Variants in MRPL17 observed in about 807,000 individuals in gnomAD.
MRPL17 encodes mitochondrial ribosomal protein L17, also known as large ribosomal subunit protein bL17m.
MRPL17 carries 8 observed loss-of-function variants against 12.0 expected under a neutral mutation model. The observed-to-expected ratio is 0.67, with a 90% CI of 0.39 to 1.21. MRPL17 has a LOEUF of 1.21. Ranked by LOEUF, MRPL17 falls within the 50% of genes most tolerant of loss-of-function variation. The probability of loss-of-function intolerance (pLI) is 0.01; values close to 1 mark genes in which losing one functional copy is unlikely to be tolerated. For missense variants in MRPL17, 263 were observed against 234.4 expected (o/e 1.12, Z -0.80); for synonymous variants, 107 against 92.9 (o/e 1.15, Z -0.87).
At chr11:6,682,983 G>A (rs1846584648) in intron 1 of MRPL17, 140 bp downstream of exon 1, 3 of 1,325,904 alleles carry the variant, frequency 2.3e-6, no homozygotes, top group African/African-American at 1.5e-5. Context: ...GCGATGGAGG[G>A]GCGGGTTCAG....
At chr11:6,682,845 C>A in intron 1 of MRPL17, 30 bp from the exon 2 acceptor site, 1 of 1,596,100 alleles carries the variant, frequency 6.3e-7, no homozygotes, top group Non-Finnish European at 8.6e-7. Context: ...CGGATCCAAC[C>A]GAGCAAGAAA....
chr11:6,682,698 C>A (rs1429803546), intron 2 of MRPL17, 49 bp downstream of exon 2: 7 of 1,581,416 alleles, frequency 4.4e-6, no homozygotes, highest in Non-Finnish European at 6.1e-6. Flanking sequence ...CAACCCCCAC[C>A]CCCAGGGAGC....
In MRPL17 at chr11:6,683,281, C is replaced by G. The variant is rs761455382; in HGVS notation, c.16G>C (p.Ala6Pro). MRLSVAAAISHGRVFR... is the reference protein window; with the variant it reads MRLSVPAAISHGRVFR... ...ACGCGGCCATGGGAGATCGCTGCAG[C>G]GACCGACAGCCGCATGTTTCCAACT... is the stretch of plus-strand genomic sequence containing the variant. Residue 6 changes from alanine (A) to proline (P), a missense_variant, in exon 1 of 3, where the codon GCT becomes CCT. Coordinates refer to ENST00000288937, the MANE Select transcript of MRPL17 (RefSeq NM_022061.4). 4.3e-6 allele frequency: 7 copies of G among 1,610,824 alleles called. No homozygotes were observed. The highest frequency in any genetic ancestry group is 5.9e-6 in the Non-Finnish European group (7 of 1,177,768).
chr11:6,682,996 C>T (rs1846584893), intron 1 of MRPL17, 127 bp downstream of exon 1: 3 of 1,409,264 alleles, frequency 2.1e-6, no homozygotes, highest in East Asian at 2.3e-5. Flanking sequence ...GGGTTCAGCC[C>T]AAGGTTCTGG....
chr11:6,683,241 C>A lies in MRPL17; in HGVS notation c.56G>T (p.Gly19Val). The A allele has an allele frequency of 6.2e-7, 1 of 1,614,130 alleles. No individual in the cohort carries two copies. The highest frequency in any genetic ancestry group is 1.1e-5 in the South Asian group (1 of 91,090). ...ISHGRVFRRM[G>V]LGPESRIHLL... Reference sequence around the variant, plus strand: ...ATGGATGCGGGACTCGGGACCGAGGCCCATACGGCGAAATACGCGGCCATG... The same window carrying A: ...ATGGATGCGGGACTCGGGACCGAGGACCATACGGCGAAATACGCGGCCATG... Residue 19 changes from glycine (G) to valine (V), a missense_variant, in exon 1 of 3, where the codon GGC becomes GTC. Physicochemically the swap from Gly to Val is moderately radical, Grantham distance 109. Coordinates refer to ENST00000288937, the MANE Select transcript of MRPL17 (RefSeq NM_022061.4).
Position 6,681,272 on chromosome 11 carries a change from A to C in MRPL17, c.*846T>G, listed in dbSNP as rs191090825. ...GGGCTCCCAGCTTCTCACATTCTGA[A>C]GCCGGATTTCCCTTTTCTGGGTTCC... On this transcript the variant is annotated 3_prime_UTR_variant, in exon 3 of 3. Transcript: ENST00000288937. 1.3e-5 allele frequency: 2 copies of C among 152,228 alleles called. No individual in the cohort carries two copies. The allele number at this position is 152,228 out of a possible 1,614,324, so 9.4% of individuals were successfully genotyped here.
intron 2 of MRPL17, 77 bp downstream of exon 2, chr11:6,682,670 G>T (rs1297022357): frequency 2.1e-6 from 3 of 1,407,698 alleles, no homozygotes; most frequent in African/African-American, 1.4e-5. Flanking sequence ...GTTTAATTCT[G>T]CATAGTTCTC....
In MRPL17 at chr11:6,683,320, T is replaced by C. The variant is rs773858266; in HGVS notation, c.-24A>G. 15 of 1,599,296 alleles carry C rather than the reference T, an allele frequency of 9.4e-6. No individual in the cohort carries two copies. The highest frequency in any genetic ancestry group is 1.7e-4 in the Middle Eastern group (1 of 6,036). ...ATGTTTCCAACTTCTGCCCGCCCCTTGGAGGCCGGAACTGGAAACTGGAAG... is the reference window on the plus strand; with the variant it reads ...ATGTTTCCAACTTCTGCCCGCCCCTCGGAGGCCGGAACTGGAAACTGGAAG... On this transcript the variant is annotated 5_prime_UTR_variant, in exon 1 of 3. Coordinates refer to ENST00000288937, the MANE Select transcript of MRPL17 (RefSeq NM_022061.4).
chr11:6,683,087 G>C (rs752241288), intron 1 of MRPL17, 36 bp downstream of exon 1: 2 of 1,600,860 alleles, frequency 1.2e-6, no homozygotes, highest in African/African-American at 1.3e-5. Context: ...CCTCAGACCA[G>C]ACCCGCAGAG....
At position 6,683,311 on chromosome 11, in the gene MRPL17, C is replaced by G. The variant is rs1183726073; in HGVS notation, c.-15G>C. ...GACAGCCGCATGTTTCCAACTTCTGCCCGCCCCTTGGAGGCCGGAACTGGA... is the reference window on the plus strand; with the variant it reads ...GACAGCCGCATGTTTCCAACTTCTGGCCGCCCCTTGGAGGCCGGAACTGGA... On this transcript the variant is annotated 5_prime_UTR_variant, in exon 1 of 3. Transcript: ENST00000288937. 2.5e-6 allele frequency: 4 copies of G among 1,604,590 alleles called. No homozygotes were observed. Among genetic ancestry groups the G allele is most frequent in the Non-Finnish European group, 3.4e-6 (4 of 1,173,592 alleles).
chr11:6,682,135 G>T lies in MRPL17; in HGVS notation c.511C>A (p.Gln171Lys), dbSNP rs1292777851. The change falls in exon 3 of 3, where the codon CAA becomes AAA. Residue 171 changes from glutamine (Q) to lysine (K), a missense_variant. Coordinates refer to ENST00000288937, the MANE Select transcript of MRPL17 (RefSeq NM_022061.4). Reference protein sequence around the residue: ...EASNHSSHTAQTPGI With the variant: ...EASNHSSHTAKTPGI ...AGATCCAGTTAAATCCCTGGTGTTT[G>T]AGCTGTGTGGGAGCTGTGGTTGCTT... is the stretch of plus-strand genomic sequence containing the variant. 6 of 1,612,724 alleles carry T rather than the reference G, an allele frequency of 3.7e-6. No homozygotes were observed. The highest frequency in any genetic ancestry group is 3.4e-4 in the Middle Eastern group (2 of 5,942).
At position 6,681,943 on chromosome 11, in the gene MRPL17, A is replaced by G. The variant is rs1352493994; in HGVS notation, c.*175T>C. On this transcript the variant is annotated 3_prime_UTR_variant, in exon 3 of 3. Transcript: ENST00000288937. ...TAAATAAATTTATATATATTCATATAAAGACTTTTATCTATTGTGCAAAGA... is the reference window on the plus strand; with the variant it reads ...TAAATAAATTTATATATATTCATATGAAGACTTTTATCTATTGTGCAAAGA... The G allele has an allele frequency of 4.5e-6, 2 of 441,930 alleles. No homozygotes were observed. Among genetic ancestry groups the G allele is most frequent in the Non-Finnish European group, 7.7e-6 (2 of 259,890 alleles). The allele number at this position is 441,930 out of a possible 1,614,324, so 27.4% of individuals were successfully genotyped here.
chr11:6,681,336 A>C lies in MRPL17; in HGVS notation c.*782T>G, dbSNP rs1207965712. On this transcript the variant is annotated 3_prime_UTR_variant, in exon 3 of 3. Coordinates refer to ENST00000288937, the MANE Select transcript of MRPL17 (RefSeq NM_022061.4). ...TTTGACAACAATAAAAACTTCCAGG[A>C]AATTCCTAGGAGGTTTAATTTCCTA... 1 of 152,138 alleles carries C rather than the reference A, an allele frequency of 6.6e-6. No homozygotes were observed. The highest frequency in any genetic ancestry group is 1.5e-5 in the Non-Finnish European group (1 of 68,002). The allele number at this position is 152,138 out of a possible 1,614,324, so 9.4% of individuals were successfully genotyped here. A position where few individuals can be genotyped will look rare whatever the true frequency, so the allele number is the denominator to read the frequency against.
At chr11:6,682,984 G>T in intron 1 of MRPL17, 139 bp downstream of exon 1, 1 of 1,328,910 alleles carries the variant, frequency 7.5e-7, no homozygotes, top group Non-Finnish European at 1.0e-6. Flanking sequence ...CGATGGAGGG[G>T]CGGGTTCAGC....
rs200384683 is a variant in MRPL17, at chr11:6,680,397, T to TA, written c.*1720dup. On this transcript the variant is annotated 3_prime_UTR_variant, in exon 3 of 3. Transcript: ENST00000288937. ...TGTACTTTTATTTGGACCAAAACATTAAAGGGGAAGCAGTGTCCCTTGAGG... is the reference window on the plus strand; with the variant it reads ...TGTACTTTTATTTGGACCAAAACATTAAAAGGGGAAGCAGTGTCCCTTGAGG... 1.2e-4 allele frequency among the ~76,000 whole-genome samples: 18 copies of TA among 152,322 alleles called. No homozygotes were observed. In the East Asian group the frequency reaches 3.3e-3, roughly 28 times the overall value.
chr11:6,681,587 T>C lies in MRPL17; in HGVS notation c.*531A>G, dbSNP rs1226854700. 6.6e-6 allele frequency: 1 copy of C among 152,224 alleles called. No individual in the cohort carries two copies. Among genetic ancestry groups the C allele is most frequent in the Non-Finnish European group, 1.5e-5 (1 of 68,058 alleles). 9.4% of individuals were successfully genotyped at this position (152,224 alleles called of 1,614,324 possible). ...TCAAAACAGAGGACTGATTGCAGTA[T>C]CCCCTGAAGGTTCGCAGGGTACTAG... On this transcript the variant is annotated 3_prime_UTR_variant, in exon 3 of 3. Coordinates refer to ENST00000288937, the MANE Select transcript of MRPL17 (RefSeq NM_022061.4).
rs751266076 is a variant in MRPL17 at position 6,683,258 on chromosome 11, G to A, written c.39C>T (p.Arg13=). ...LSVAAAISHG[R]VFRRMGLGPE... The stretch of plus-strand genomic sequence containing the variant: ...GACCGAGGCCCATACGGCGAAATAC[G>A]CGGCCATGGGAGATCGCTGCAGCGA... Residue 13 remains arginine (R), a synonymous_variant, in exon 1 of 3, where the codon CGC becomes CGT. Coordinates refer to ENST00000288937, the MANE Select transcript of MRPL17 (RefSeq NM_022061.4). The A allele has an allele frequency of 1.9e-6, 3 of 1,613,840 alleles. No individual in the cohort carries two copies. The highest frequency in any genetic ancestry group is 1.6e-4 in the Middle Eastern group (1 of 6,078).
At chr11:6,682,453 G>T in intron 2 of MRPL17, 51 bp from the exon 3 acceptor site, 1 of 1,575,956 alleles carries the variant, frequency 6.3e-7, no homozygotes, top group East Asian at 2.2e-5. Context: ...AACTGCAGAG[G>T]CATTTAACTT....
chr11:6,682,346 T>C lies in MRPL17; in HGVS notation c.300A>G (p.Gln100=), dbSNP rs766376427. Residue 100 remains glutamine, a synonymous_variant, in exon 3 of 3, where the codon CAA becomes CAG. Coordinates refer to ENST00000288937, the MANE Select transcript of MRPL17 (RefSeq NM_022061.4). ...FQVLAPRYKD[Q]TGGYTRMLQI... Reference sequence around the variant, plus strand: ...GCAGCATTCTTGTGTAGCCCCCAGTTTGATCTTTGTACCGAGGGGCCAGTA... The same window carrying C: ...GCAGCATTCTTGTGTAGCCCCCAGTCTGATCTTTGTACCGAGGGGCCAGTA... The C allele has an allele frequency of 6.2e-7, 1 of 1,614,180 alleles. No individual in the cohort carries two copies. The highest frequency in any genetic ancestry group is 8.5e-7 in the Non-Finnish European group (1 of 1,180,030).
Sources: gnomAD v4.1 joint callset for allele counts (sites outside exome capture counted in the v4.1 genomes callset) on GRCh38, gnomAD v4.1.1 for gene constraint, MANE v1.5 for transcripts, NCBI Gene and HGNC (gene_info 2026-07-23, HGNC 2026-07-21) for gene names.